EBF1: variants seen among roughly 807,000 people sequenced by gnomAD.
EBF1 encodes the protein EBF transcription factor 1.
A neutral mutation model predicts 68.4 loss-of-function variants in EBF1; 10 were observed. The observed-to-expected ratio is 0.15, with a 90% CI of 0.09 to 0.25. The LOEUF is 0.25. Among genes scored for constraint, EBF1 ranks in the 10% least tolerant of loss-of-function variants. The pLI is 1.00. For missense variants in EBF1, 509 were observed against 794.4 expected, an observed-to-expected ratio of 0.64 and a Z score of 4.32; for synonymous variants, 298 against 299.8, an observed-to-expected ratio of 0.99 and a Z score of 0.06.
In EBF1 at chr5:158,737,828, C is replaced by G. The variant is rs943882253; in HGVS notation, c.1037-6671G>C. The stretch of plus-strand genomic sequence containing the variant: ...GAGGATGAAACAAAGCAGGGGCACT[C>G]GGAGGAAGACTGATGAGGGAAGATC... On this transcript the variant is annotated intron_variant, in intron 10 of 15. Coordinates refer to ENST00000313708, the MANE Select transcript of EBF1 (RefSeq NM_024007.5). Among the ~76,000 whole-genome samples, 4 of 151,914 alleles carry G rather than the reference C, an allele frequency of 2.6e-5. No homozygotes were observed. The East Asian group carries it at 5.8e-4, about 22-fold the overall frequency.
At chr5:159,094,558 A>T (rs1241976800) in intron 4 of EBF1, among the ~76,000 whole-genome samples, 2 of 152,188 alleles carry the variant, frequency 1.3e-5, no homozygotes, top group Non-Finnish European at 2.9e-5. Flanking sequence ...TCTAAAAATA[A>T]TTTTTAAATA....
Position 158,943,998 on chromosome 5 carries a change from C to T in EBF1, c.555-103888G>A, listed in dbSNP as rs549075956. Among the ~76,000 whole-genome samples the T allele has an allele frequency of 2.0e-5, 3 of 152,312 alleles. No individual in the cohort carries two copies. The East Asian group carries it at 5.8e-4, about 29-fold the overall frequency. On this transcript the variant is annotated intron_variant, in intron 6 of 15. Coordinates refer to ENST00000313708, the MANE Select transcript of EBF1 (RefSeq NM_024007.5). ...CCTTCCTAGACTTCCCATCAAAGCA[C>T]TCCAAGCAGCCACAAGCAATTGATT...
At chr5:158,810,216 G>A (rs1782393316) in intron 8 of EBF1, among the ~76,000 whole-genome samples, 1 of 152,106 alleles carries the variant, frequency 6.6e-6, no homozygotes, top group South Asian at 2.1e-4. Flanking sequence ...ATTGGAACTG[G>A]CTGGGATATA....
chr5:158,910,375 T>C (rs1054463954), intron 6 of EBF1, among the ~76,000 whole-genome samples: 1 of 152,238 alleles, frequency 6.6e-6, no homozygotes, highest in Non-Finnish European at 1.5e-5. Context: ...TCAATTTCCA[T>C]TAATGGTACT....
chr5:158,957,842 C>T (rs1399299411), intron 6 of EBF1, among the ~76,000 whole-genome samples: 3 of 152,228 alleles, frequency 2.0e-5, no homozygotes, highest in African/African-American at 7.2e-5. Flanking sequence ...GCCAACATCA[C>T]TCCCAGGTTT....
At chr5:159,005,010 T>A (rs1763273932) in intron 6 of EBF1, among the ~76,000 whole-genome samples, 1 of 152,180 alleles carries the variant, frequency 6.6e-6, no homozygotes, top group African/African-American at 2.4e-5. Context: ...CAACAAACTC[T>A]AGGCTTTACA....
At chr5:158,969,472 G>T (rs1033356580) in intron 6 of EBF1, among the ~76,000 whole-genome samples, 5 of 151,596 alleles carry the variant, frequency 3.3e-5, no homozygotes, top group East Asian at 3.9e-4. Context: ...TCCCTAGAAA[G>T]ACTGCTAGGG....
intron 6 of EBF1, among the ~76,000 whole-genome samples, chr5:158,850,699 G>T (rs774126579): frequency 6.6e-6 from 1 of 152,168 alleles, no homozygotes; most frequent in Non-Finnish European, 1.5e-5. Context: ...ATGTGCAATT[G>T]AAATTCAGCA....
intron 6 of EBF1, among the ~76,000 whole-genome samples, chr5:158,930,072 G>A (rs1335714706): frequency 6.6e-6 from 1 of 152,118 alleles, no homozygotes; most frequent in East Asian, 1.9e-4. Flanking sequence ...CATCAAAGGT[G>A]ATTGTTTTCC....
intron 6 of EBF1, among the ~76,000 whole-genome samples, chr5:158,867,333 T>G (rs1796102972): frequency 6.6e-6 from 1 of 152,172 alleles, no homozygotes; most frequent in Admixed American, 6.5e-5. Flanking sequence ...AATCTATATC[T>G]TCTTCTAAGC....
intron 15 of EBF1, among the ~76,000 whole-genome samples, chr5:158,701,229 C>T (rs955300614): frequency 6.6e-6 from 1 of 152,060 alleles, no homozygotes; most frequent in African/African-American, 2.4e-5. Context: ...AGAGCAGTTC[C>T]CTATAGTATA....
chr5:159,012,660 CT>C (rs575094837), intron 6 of EBF1, among the ~76,000 whole-genome samples: 39 of 151,244 alleles, frequency 2.6e-4, no homozygotes, highest in Middle Eastern at 3.5e-3. Context: ...AATTTTTGTA[CT>C]TTTTTTTTGT....
chr5:159,034,375 C>T (rs1307265067), intron 6 of EBF1, among the ~76,000 whole-genome samples: 1 of 152,102 alleles, frequency 6.6e-6, no homozygotes, highest in Non-Finnish European at 1.5e-5. Flanking sequence ...ATTATTCAGC[C>T]CAATGGCTAA....
intron 7 of EBF1, among the ~76,000 whole-genome samples, chr5:158,835,544 T>C (rs553013388): frequency 1.3e-5 from 2 of 152,296 alleles, no homozygotes; most frequent in Non-Finnish European, 2.9e-5. Flanking sequence ...CTAGGACAAA[T>C]ATCTCTTTTG....
intron 3 of EBF1, 114 bp downstream of exon 3, chr5:159,096,229 A>G: frequency 2.6e-6 from 3 of 1,171,542 alleles, no homozygotes; most frequent in Non-Finnish European, 3.6e-6. Flanking sequence ...GTTCACCTCA[A>G]ATAAAGCGGA....
intron 11 of EBF1, among the ~76,000 whole-genome samples, chr5:158,718,551 A>G (rs1381115014): frequency 1.3e-5 from 2 of 152,148 alleles, no homozygotes; most frequent in Admixed American, 6.5e-5. Flanking sequence ...GTGGAGCAAG[A>G]ACTCATTCAA....
intron 6 of EBF1, 33 bp downstream of exon 6, chr5:159,073,363 A>G (rs1156683805): frequency 2.5e-6 from 4 of 1,607,902 alleles, no homozygotes; most frequent in Admixed American, 1.7e-5. Flanking sequence ...ATAATGAGGA[A>G]TAAGAATCCA....
intron 5 of EBF1, among the ~76,000 whole-genome samples, chr5:159,081,662 T>C (rs1779761744): frequency 6.6e-6 from 1 of 152,220 alleles, no homozygotes; most frequent in Non-Finnish European, 1.5e-5. Context: ...TGAGAACTCA[T>C]GGTCCTATAA....
At chr5:159,034,690 G>A (rs763658224) in intron 6 of EBF1, among the ~76,000 whole-genome samples, 3 of 152,126 alleles carry the variant, frequency 2.0e-5, no homozygotes, top group Non-Finnish European at 4.4e-5. Context: ...CTTCATTGTC[G>A]TTGTTTTCCA....
Sources: gnomAD v4.1 joint callset for allele counts (sites outside exome capture counted in the v4.1 genomes callset) on GRCh38, gnomAD v4.1.1 for gene constraint, MANE v1.5 for transcripts, NCBI Gene and HGNC (gene_info 2026-07-23, HGNC 2026-07-21) for gene names.